The following PCDHGA1 variants were observed in gnomAD, a reference collection of about 807,000 sequenced individuals.
PCDHGA1 encodes the protein protocadherin gamma-A1.
In PCDHGA1, 32 loss-of-function variants were observed where a neutral mutation model predicts 58.0. The ratio of observed to expected loss-of-function variants is 0.55; its 90% CI spans 0.42 to 0.74. The LOEUF is 0.74. PCDHGA1 is among the 30% of genes least tolerant of loss of function. PCDHGA1 has a pLI of 0.00. For missense variants in PCDHGA1, 1,205 were observed against 1,182.3 expected (o/e 1.02, Z -0.28); for synonymous variants, 498 against 501.1 (o/e 0.99, Z 0.08).
At chr5:141,437,896 C>T (rs943440712) in intron 1 of PCDHGA1, among the ~76,000 whole-genome samples, 2 of 152,128 alleles carry the variant, frequency 1.3e-5, no homozygotes, top group African/African-American at 4.8e-5. Flanking sequence ...CGCCACCACA[C>T]CCAGCTAATT....
chr5:141,375,791 G>C (rs374657173), intron 1 of PCDHGA1: 1 of 1,614,232 alleles, frequency 6.2e-7, no homozygotes, highest in Non-Finnish European at 8.5e-7. Flanking sequence ...CCTCCCCACA[G>C]ACGGTTCCAC....
At chr5:141,360,259 G>T (rs1480469675) in intron 1 of PCDHGA1, 1 of 1,613,964 alleles carries the variant, frequency 6.2e-7, no homozygotes, top group South Asian at 1.1e-5. Flanking sequence ...AGAGGAGCTG[G>T]CCAAAAACTC....
chr5:141,389,215 A>G (rs2150378532), intron 1 of PCDHGA1: 1 of 1,614,010 alleles, frequency 6.2e-7, no homozygotes, highest in Non-Finnish European at 8.5e-7. Flanking sequence ...GGTGATGTAA[A>G]TGACAACGCT....
At position 141,476,645 on chromosome 5, in the gene PCDHGA1, A is replaced by G. The variant is rs150444699; in HGVS notation, c.2422-18162A>G. The G allele has an allele frequency of 1.2e-4, 199 of 1,614,128 alleles. No homozygotes were observed. Among genetic ancestry groups the G allele is most frequent in the Non-Finnish European group, 1.6e-4 (194 of 1,180,060 alleles). ...TTTACAAACCTATGAGCTGAGCCGA[A>G]ATGAATACTTTGCGCTTCGCGTGCA... On this transcript the variant is annotated intron_variant, in intron 1 of 3. Transcript: ENST00000517417. The surrounding 1 kb of genome is among the most constrained non-coding windows in gnomAD (Gnocchi z 7.6).
intron 1 of PCDHGA1, chr5:141,395,403 A>G: frequency 2.4e-6 from 2 of 849,494 alleles, no homozygotes; most frequent in East Asian, 2.8e-5. Flanking sequence ...TCTAATAGTC[A>G]TAGGTTATTG....
intron 1 of PCDHGA1, among the ~76,000 whole-genome samples, chr5:141,460,640 TGTTTACACATA>T (rs2098994223): frequency 6.6e-6 from 1 of 152,096 alleles, no homozygotes; most frequent in Admixed American, 6.6e-5. Flanking sequence ...TATATAACTG[TGTTTACACATA>T]TGTAACTGTA....
rs1303066281 is a variant in PCDHGA1, at chr5:141,511,199, G to A, written c.*26G>A. The A allele has an allele frequency of 1.2e-6, 2 of 1,612,750 alleles. No homozygotes were observed. The highest frequency in any genetic ancestry group is 1.3e-5 in the African/African-American group (1 of 74,896). On this transcript the variant is annotated 3_prime_UTR_variant, in exon 4 of 4. Transcript: ENST00000517417. The stretch of plus-strand genomic sequence containing the variant: ...CATGGAGGCCAGGCCAAGAGCCACA[G>A]GGCGGCCTCTCCCCAACCAGCCCAG...
At chr5:141,346,306 C>T in intron 1 of PCDHGA1, 2 of 1,614,220 alleles carry the variant, frequency 1.2e-6, no homozygotes, top group Non-Finnish European at 1.7e-6. Flanking sequence ...CACGAGGTCT[C>T]CCTCACTGCG....
At chr5:141,421,370 A>G (rs765775416) in intron 1 of PCDHGA1, 4 of 1,613,916 alleles carry the variant, frequency 2.5e-6, no homozygotes, top group African/African-American at 1.3e-5. Flanking sequence ...TTCGTGGGCA[A>G]TATCTCCAAG....
chr5:141,404,261 C>G, intron 1 of PCDHGA1: 1 of 1,613,950 alleles, frequency 6.2e-7, no homozygotes. Flanking sequence ...CACAGAAATT[C>G]ACATCACCCT....
chr5:141,433,140 C>T (rs1394486228), intron 1 of PCDHGA1: 4 of 1,613,948 alleles, frequency 2.5e-6, no homozygotes, highest in African/African-American at 1.3e-5. Flanking sequence ...CTTTTGCTGT[C>T]AGGTGATTCG....
Position 141,510,974 on chromosome 5 carries a change from G to T in PCDHGA1, c.2597G>T (p.Gly866Val). The T allele has an allele frequency of 6.2e-7, 1 of 1,614,150 alleles. No homozygotes were observed. The highest frequency in any genetic ancestry group is 1.1e-5 in the South Asian group (1 of 91,088). ...SEAADGSSTL[G>V]GGAGTMGLSA... ...GCTGCTGATGGGAGCTCCACCCTGG[G>T]AGGGGGTGCCGGCACCATGGGATTG... is the stretch of plus-strand genomic sequence containing the variant. The change falls in exon 4 of 4, where the codon GGA becomes GTA. Residue 866 changes from glycine (G) to valine (V), a missense_variant. Physicochemically the swap from Gly to Val is moderately radical, Grantham distance 109. Transcript: ENST00000517417.
intron 1 of PCDHGA1, chr5:141,415,423 G>A: frequency 1.2e-6 from 2 of 1,614,204 alleles, no homozygotes; most frequent in Non-Finnish European, 1.7e-6. Context: ...CGTGGACGGG[G>A]TTCGGGCTTT....
chr5:141,417,980 C>G lies in PCDHGA1; in HGVS notation c.2422-76827C>G, dbSNP rs905203424. On this transcript the variant is annotated intron_variant, in intron 1 of 3. Coordinates refer to ENST00000517417, the MANE Select transcript of PCDHGA1 (RefSeq NM_018912.3). ...GATCCGCTACTCGATTCCGGAGGAG[C>G]TGGCCAAGGGCTCGGTGGTGGGGAA... is the stretch of plus-strand genomic sequence containing the variant. The G allele has an allele frequency of 1.9e-6, 3 of 1,613,738 alleles. No individual in the cohort carries two copies. In the African/African-American group the frequency reaches 4.0e-5, roughly 22 times the overall value.
intron 1 of PCDHGA1, chr5:141,384,854 C>T: frequency 6.2e-7 from 1 of 1,613,702 alleles, no homozygotes; most frequent in Non-Finnish European, 8.5e-7. Context: ...CACGGTCAGC[C>T]TCCTCTGTCA....
intron 1 of PCDHGA1, chr5:141,386,063 G>A (rs2090447648): frequency 6.6e-6 from 1 of 152,220 alleles, no homozygotes; most frequent in South Asian, 2.1e-4. Flanking sequence ...GAGAATTCCA[G>A]TATGTTGTTT....
At chr5:141,348,151 C>G (rs17097216) in intron 1 of PCDHGA1, among the ~76,000 whole-genome samples, 2,668 of 152,182 alleles carry the variant, frequency 0.018, 76 homozygotes, top group African/African-American at 0.062. Flanking sequence ...GAGAGTTATC[C>G]AAAATTAGAC....
intron 1 of PCDHGA1, chr5:141,365,549 A>G (rs1763986564): frequency 2.5e-6 from 4 of 1,613,678 alleles, no homozygotes; most frequent in Non-Finnish European, 3.4e-6. Flanking sequence ...CCTATTAACA[A>G]CTAGGGACCT....
intron 1 of PCDHGA1, chr5:141,419,854 A>G: frequency 1.9e-6 from 3 of 1,614,078 alleles, no homozygotes; most frequent in Non-Finnish European, 2.5e-6. Flanking sequence ...TGGTGTTCGC[A>G]GATAGCTTGC....
Sources: allele counts gnomAD v4.1 joint callset (sites outside exome capture counted in the v4.1 genomes callset), GRCh38; gene constraint gnomAD v4.1.1; non-coding constraint Gnocchi (gnomAD v3.1); transcripts MANE v1.5; gene names NCBI Gene and HGNC (gene_info 2026-07-23, HGNC 2026-07-21).